Variants in PTAFR observed in about 807,000 individuals in gnomAD.
PTAFR encodes platelet-activating factor receptor.
PTAFR carries 8 observed loss-of-function variants against 14.7 expected under a neutral mutation model. That is an observed-to-expected ratio of 0.54 (90% CI 0.32 to 0.98). The LOEUF is 0.98. Ranked by LOEUF, PTAFR falls within the 50% of genes least tolerant of loss-of-function variation. PTAFR has a pLI of 0.04. For missense variants in PTAFR, 337 were observed against 451.2 expected (o/e 0.75, Z 2.29); for synonymous variants, 156 against 176.5 (o/e 0.88, Z 0.92).
At chr1:28,189,877 G>A (rs1350139918) in intron 1 of PTAFR, among the ~76,000 whole-genome samples, 1 of 152,022 alleles carries the variant, frequency 6.6e-6, no homozygotes, top group East Asian at 1.9e-4. Context: ...TGTTGGTCAG[G>A]CTGTTCTCTA....
intron 1 of PTAFR, among the ~76,000 whole-genome samples, chr1:28,191,657 G>T (rs1178255373): frequency 6.6e-6 from 1 of 151,992 alleles, no homozygotes; most frequent in African/African-American, 2.4e-5. Flanking sequence ...GAGGGAGATA[G>T]GGTGGTTGGA....
At chr1:28,177,860 T>C (rs1353843335), upstream of PTAFR, among the ~76,000 whole-genome samples, 1 of 151,494 alleles carries the variant, frequency 6.6e-6, no homozygotes, top group Non-Finnish European at 1.5e-5. Flanking sequence ...GGTGTGAGGG[T>C]ATGTGTGAAA....
At chr1:28,157,487 A>G (rs1646277868) in intron 1 of PTAFR, among the ~76,000 whole-genome samples, 1 of 151,654 alleles carries the variant, frequency 6.6e-6, no homozygotes, top group South Asian at 2.1e-4. Flanking sequence ...ATTTTAATGC[A>G]ATATTTTTTT....
At chr1:28,159,502 TGAG>T (rs1009602307) in intron 1 of PTAFR, among the ~76,000 whole-genome samples, 3 of 151,462 alleles carry the variant, frequency 2.0e-5, no homozygotes, top group African/African-American at 7.3e-5. Context: ...GGTTGAGGGG[TGAG>T]TGATAGGAGA....
upstream of PTAFR, among the ~76,000 whole-genome samples, chr1:28,179,834 A>C (rs114804468): frequency 0.012 from 1,838 of 152,122 alleles, 24 homozygotes; most frequent in Non-Finnish European, 0.02. Flanking sequence ...AAAAAAAGAA[A>C]ATATGTCCAA....
chr1:28,182,782 G>A (rs1368929768), intron 1 of PTAFR, among the ~76,000 whole-genome samples: 2 of 152,164 alleles, frequency 1.3e-5, no homozygotes, highest in African/African-American at 4.8e-5. Context: ...CCGCTTTCAA[G>A]TGAGTCTCCT....
chr1:28,192,648 G>A (rs76874538), intron 1 of PTAFR, among the ~76,000 whole-genome samples: 6 of 146,226 alleles, frequency 4.1e-5, no homozygotes, highest in African/African-American at 1.5e-4. Flanking sequence ...TTTTTTTTTT[G>A]TTTGTTTGTT....
chr1:28,167,488 C>T (rs564406790), intron 1 of PTAFR, among the ~76,000 whole-genome samples: 7 of 152,116 alleles, frequency 4.6e-5, no homozygotes, highest in East Asian at 3.9e-4. Context: ...TTGGAACTTT[C>T]GCATAGTGTT....
intron 1 of PTAFR, among the ~76,000 whole-genome samples, chr1:28,169,607 C>T (rs966201020): frequency 3.9e-5 from 6 of 152,180 alleles, no homozygotes; most frequent in Non-Finnish European, 1.5e-5. Context: ...GCATGTCCTC[C>T]CTCTGATTCT....
intron 1 of PTAFR, among the ~76,000 whole-genome samples, chr1:28,155,520 T>G (rs1397020960): frequency 6.6e-6 from 1 of 152,098 alleles, no homozygotes; most frequent in Non-Finnish European, 1.5e-5. Flanking sequence ...ACTCCCCACT[T>G]TCACCTGGCC....
Position 28,150,950 on chromosome 1 carries a change from G to C in PTAFR, c.72C>G (p.Ile24Met). 6.2e-7 allele frequency: 1 copy of C among 1,614,034 alleles called. No homozygotes were observed. Among genetic ancestry groups the C allele is most frequent in the South Asian group, 1.1e-5 (1 of 91,062 alleles). Reference sequence around the variant, plus strand: ...TAGCAATGACCCCGAGCACAAAGATGATGCTGTAAACAATCGGGAAGAGAG... The same window carrying C: ...TAGCAATGACCCCGAGCACAAAGATCATGCTGTAAACAATCGGGAAGAGAG... The part of the protein sequence containing the change: ...RYTLFPIVYS[I>M]IFVLGVIANG... Residue 24 changes from isoleucine to methionine, a missense_variant, in exon 2 of 2, where the codon ATC becomes ATG. By Grantham distance (10) the Ile-to-Met change is conservative. Coordinates refer to ENST00000373857, the MANE Select transcript of PTAFR (RefSeq NM_000952.5). The surrounding 1 kb of genome is among the most constrained non-coding windows in gnomAD (Gnocchi z 6.3).
intron 1 of PTAFR, among the ~76,000 whole-genome samples, chr1:28,188,856 T>C (rs1646627711): frequency 6.6e-6 from 1 of 151,680 alleles, no homozygotes; most frequent in African/African-American, 2.4e-5. Flanking sequence ...AAAAACCCAA[T>C]AGAAAAATGA....
chr1:28,172,876 G>A (rs964136428), intron 1 of PTAFR, among the ~76,000 whole-genome samples: 1 of 151,788 alleles, frequency 6.6e-6, no homozygotes, highest in African/African-American at 2.4e-5. Flanking sequence ...TTATCTCAAA[G>A]CATTGTTGTA....
intron 1 of PTAFR, among the ~76,000 whole-genome samples, chr1:28,189,056 C>T (rs1036550884): frequency 7.9e-5 from 12 of 152,274 alleles, no homozygotes; most frequent in African/African-American, 2.7e-4. Context: ...TCTCATTACC[C>T]TGCCAAAAGA....
intron 1 of PTAFR, among the ~76,000 whole-genome samples, chr1:28,157,387 G>C (rs891678592): frequency 6.6e-6 from 1 of 152,062 alleles, no homozygotes; most frequent in Admixed American, 6.6e-5. Context: ...GGCTGGTCTC[G>C]AACTCCTGAC....
chr1:28,181,507 G>A (rs1347301565), upstream of PTAFR, among the ~76,000 whole-genome samples: 1 of 152,116 alleles, frequency 6.6e-6, no homozygotes, highest in Non-Finnish European at 1.5e-5. Context: ...AGTACTTTGG[G>A]AGGCTGAGGC....
intron 1 of PTAFR, among the ~76,000 whole-genome samples, chr1:28,163,531 G>T (rs928842370): frequency 6.6e-6 from 1 of 152,206 alleles, no homozygotes; most frequent in Non-Finnish European, 1.5e-5. Context: ...AGTCAGAAAG[G>T]TCTACAGGTT....
At chr1:28,156,261 CAAA>C (rs951128837) in intron 1 of PTAFR, among the ~76,000 whole-genome samples, 1 of 129,204 alleles carries the variant, frequency 7.7e-6, no homozygotes, top group African/African-American at 2.9e-5. Flanking sequence ...AACAAAACTC[CAAA>C]AAAAAAAAAA....
intron 1 of PTAFR, among the ~76,000 whole-genome samples, chr1:28,158,030 C>T (rs1367686103): frequency 6.6e-6 from 1 of 152,212 alleles, no homozygotes; most frequent in East Asian, 1.9e-4. Flanking sequence ...ATTCGTTGGA[C>T]AAGCACTCAC....
Sources: gnomAD v4.1 joint callset for allele counts (sites outside exome capture counted in the v4.1 genomes callset) on GRCh38, gnomAD v4.1.1 for gene constraint, Gnocchi (gnomAD v3.1) non-coding constraint, MANE v1.5 for transcripts, NCBI Gene and HGNC (gene_info 2026-07-23, HGNC 2026-07-21) for gene names.